Variants in XKR9 observed in about 807,000 individuals in gnomAD.
The protein encoded by XKR9 is XK-related protein 9.
Under a neutral mutation model 32.0 loss-of-function variants are expected in XKR9, and 32 were observed. The observed-to-expected ratio is 1.00, with a 90% confidence interval of 0.76 to 1.34. The LOEUF (loss-of-function observed/expected upper bound fraction) is 1.34, where lower values mean the gene tolerates loss of function less well. Among genes scored for constraint, XKR9 ranks in the 40% most tolerant of loss-of-function variants. The probability of loss-of-function intolerance (pLI) is 0.00; values close to 1 mark genes in which losing one functional copy is unlikely to be tolerated. For synonymous variants in XKR9, 168 were observed against 143.4 expected, an observed-to-expected ratio of 1.17 and a Z score of -1.22; for missense variants, 546 against 429.7, an observed-to-expected ratio of 1.27 and a Z score of -2.39.
chr8:70,905,255 A>G, the XKR9 span, among the ~76,000 whole-genome samples: 1 of 152,192 alleles, frequency 6.6e-6, no homozygotes, highest in Non-Finnish European at 1.5e-5. Flanking sequence ...TTTCAGGTAC[A>G]CCAATCAGAT....
At chr8:70,743,185 T>A (rs1807012806) in intron 2 of XKR9, among the ~76,000 whole-genome samples, 1 of 152,178 alleles carries the variant, frequency 6.6e-6, no homozygotes, top group South Asian at 2.1e-4. Context: ...GTTCATATAA[T>A]GAATTTTTAA....
At chr8:70,757,421 A>G (rs1807242468) in intron 2 of XKR9, among the ~76,000 whole-genome samples, 1 of 151,968 alleles carries the variant, frequency 6.6e-6, no homozygotes, top group African/African-American at 2.4e-5. Flanking sequence ...TAGCAAATAA[A>G]TTATTTCAGT....
rs1224286571 is a variant in XKR9, at chr8:70,735,134, A to G, written c.*710A>G. 6.6e-6 allele frequency: 1 copy of G among 152,074 alleles called. No individual in the cohort carries two copies. Among genetic ancestry groups the G allele is most frequent in the African/African-American group, 2.4e-5 (1 of 41,450 alleles). The allele number at this position is 152,074 out of a possible 1,614,324, so 9.4% of individuals were successfully genotyped here. The stretch of plus-strand genomic sequence containing the variant: ...ATGGTAAAAACATATAAAATTTACC[A>G]TCTTAATCACTTTGAGTGTACAGTT... On this transcript the variant is annotated 3_prime_UTR_variant, in exon 5 of 5. Transcript: ENST00000408926.
chr8:70,716,517 C>T (rs1446867888), intron 4 of XKR9, among the ~76,000 whole-genome samples: 1 of 151,950 alleles, frequency 6.6e-6, no homozygotes, highest in Non-Finnish European at 1.5e-5. Flanking sequence ...GAATGAGAGC[C>T]GAATGAAGGG....
the XKR9 span, among the ~76,000 whole-genome samples, chr8:70,951,802 T>C: frequency 6.6e-6 from 1 of 151,950 alleles, no homozygotes; most frequent in Non-Finnish European, 1.5e-5. Flanking sequence ...CAGTGCAAGC[T>C]GTCTCTGAGG....
chr8:70,964,045 T>G, the XKR9 span, among the ~76,000 whole-genome samples: 1 of 152,252 alleles, frequency 6.6e-6, no homozygotes, highest in Non-Finnish European at 1.5e-5. Context: ...TGCCTGTGCC[T>G]GTGTTCTGAA....
intron 3 of XKR9, among the ~76,000 whole-genome samples, chr8:70,698,731 G>T (rs887426978): frequency 2.0e-5 from 3 of 152,074 alleles, no homozygotes; most frequent in African/African-American, 7.2e-5. Context: ...TTCAATTCCT[G>T]GGTATCCTCG....
chr8:71,005,913 C>T, the XKR9 span, among the ~76,000 whole-genome samples: 1 of 152,162 alleles, frequency 6.6e-6, no homozygotes, highest in Non-Finnish European at 1.5e-5. Flanking sequence ...GGATTTTATT[C>T]AGCCACTCTC....
the XKR9 span, among the ~76,000 whole-genome samples, chr8:70,840,678 C>A: frequency 6.6e-6 from 1 of 152,066 alleles, no homozygotes; most frequent in East Asian, 1.9e-4. Flanking sequence ...CCCTAAAATC[C>A]CTGAGAGGCC....
chr8:70,738,212 C>T (rs1024109026), downstream of XKR9, among the ~76,000 whole-genome samples: 17 of 134,648 alleles, frequency 1.3e-4, no homozygotes, highest in East Asian at 3.9e-4. Flanking sequence ...GTGTATGTGT[C>T]AAGGAATTTA....
chr8:70,937,507 TTTG>T, the XKR9 span, among the ~76,000 whole-genome samples: 1 of 152,104 alleles, frequency 6.6e-6, no homozygotes, highest in East Asian at 1.9e-4. Context: ...AGGATGTCAT[TTTG>T]TTCTAATCAA....
the XKR9 span, among the ~76,000 whole-genome samples, chr8:70,804,374 C>T: frequency 6.6e-6 from 1 of 152,184 alleles, no homozygotes; most frequent in Admixed American, 6.5e-5. Context: ...TATCTATGGT[C>T]TATTTGGAGT....
the XKR9 span, among the ~76,000 whole-genome samples, chr8:70,977,911 G>A: frequency 6.6e-6 from 1 of 152,142 alleles, no homozygotes; most frequent in African/African-American, 2.4e-5. Flanking sequence ...TTATGAATCT[G>A]GGTGCTCCTG....
At chr8:70,870,901 C>G in the XKR9 span, among the ~76,000 whole-genome samples, 1 of 152,168 alleles carries the variant, frequency 6.6e-6, no homozygotes, top group Admixed American at 6.6e-5. Flanking sequence ...AAGGGGGAAA[C>G]TGTTTGTTCA....
chr8:70,892,173 T>C, the XKR9 span, among the ~76,000 whole-genome samples: 5 of 152,106 alleles, frequency 3.3e-5, no homozygotes, highest in African/African-American at 9.6e-5. Context: ...TTCTTGTAGG[T>C]AACATATGGT....
the XKR9 span, among the ~76,000 whole-genome samples, chr8:70,889,431 G>A: frequency 2.0e-5 from 3 of 151,198 alleles, no homozygotes; most frequent in Admixed American, 1.3e-4. Flanking sequence ...TAGATTCAGG[G>A]GGTACATGTG....
the XKR9 span, among the ~76,000 whole-genome samples, chr8:70,877,740 A>G: frequency 6.6e-6 from 1 of 152,224 alleles, no homozygotes; most frequent in Non-Finnish European, 1.5e-5. Context: ...AACACTCTGC[A>G]GGATATTATC....
chr8:70,723,038 C>A (rs1381897920), intron 4 of XKR9, among the ~76,000 whole-genome samples: 1 of 151,936 alleles, frequency 6.6e-6, no homozygotes, highest in Non-Finnish European at 1.5e-5. Flanking sequence ...TGCCTTATTT[C>A]TTTAAGTTGA....
chr8:70,946,168 A>G, the XKR9 span, among the ~76,000 whole-genome samples: 2 of 152,104 alleles, frequency 1.3e-5, no homozygotes, highest in Non-Finnish European at 2.9e-5. Flanking sequence ...ATGCTATTTT[A>G]TATTTAGTGC....
Sources: gnomAD v4.1 joint callset for allele counts (sites outside exome capture counted in the v4.1 genomes callset) on GRCh38, gnomAD v4.1.1 for gene constraint, MANE v1.5 for transcripts, NCBI Gene and HGNC (gene_info 2026-07-23, HGNC 2026-07-21) for gene names.